WDFY2: variants seen among roughly 807,000 people sequenced by gnomAD.
WDFY2 encodes the protein WD repeat and FYVE domain-containing protein 2.
Under a neutral mutation model 56.4 loss-of-function variants are expected in WDFY2, and 36 were observed. The ratio of observed to expected loss-of-function variants is 0.64; its 90% confidence interval spans 0.49 to 0.84. WDFY2 has a LOEUF of 0.84. Ranked by LOEUF, WDFY2 falls within the 40% of genes least tolerant of loss-of-function variation. The pLI, the probability that WDFY2 is intolerant of heterozygous loss-of-function variation, is 0.00. For synonymous variants in WDFY2, 176 were observed against 183.7 expected, an observed-to-expected ratio of 0.96 and a Z score of 0.34; for missense variants, 444 against 512.2, an observed-to-expected ratio of 0.87 and a Z score of 1.29.
In WDFY2 at chr13:51,761,201, T is replaced by A. The variant is rs534176482; in HGVS notation, c.*1432T>A. ...AATGGTACCTACAGTGCAGGCTATG[T>A]TTCTGTGGGAATGGAAAAGAGGACT... On this transcript the variant is annotated 3_prime_UTR_variant, in exon 12 of 12. Coordinates refer to ENST00000298125, the MANE Select transcript of WDFY2 (RefSeq NM_052950.4). The A allele has an allele frequency of 3.3e-5, 5 of 152,202 alleles. No individual in the cohort carries two copies. The highest frequency in any genetic ancestry group is 7.3e-5 in the Non-Finnish European group (5 of 68,030). The allele number at this position is 152,202 out of a possible 1,614,324, so 9.4% of individuals were successfully genotyped here.
chr13:51,620,613 TC>T (rs1163583887), intron 1 of WDFY2, among the ~76,000 whole-genome samples: 1 of 152,014 alleles, frequency 6.6e-6, no homozygotes, highest in African/African-American at 2.4e-5. Context: ...TCCACCTCTA[TC>T]CAGACAGGAT....
chr13:51,607,765 A>G (rs568762525), intron 1 of WDFY2, among the ~76,000 whole-genome samples: 1 of 152,310 alleles, frequency 6.6e-6, no homozygotes, highest in East Asian at 1.9e-4. Context: ...CTGTTGTGAT[A>G]GGCTGAATGA....
At chr13:51,758,553 A>T (rs903571046) in intron 11 of WDFY2, among the ~76,000 whole-genome samples, 6 of 63,376 alleles carry the variant, frequency 9.5e-5, no homozygotes, top group Admixed American at 2.4e-4. Context: ...CTCATCTCTT[A>T]AAAAAAAAAA....
At chr13:51,661,813 T>G (rs1955619594) in intron 2 of WDFY2, among the ~76,000 whole-genome samples, 1 of 152,240 alleles carries the variant, frequency 6.6e-6, no homozygotes, top group African/African-American at 2.4e-5. Flanking sequence ...TTCCGAATGC[T>G]ATATCCTTCC....
chr13:51,745,758 A>C (rs1953082628), intron 7 of WDFY2, among the ~76,000 whole-genome samples: 1 of 149,822 alleles, frequency 6.7e-6, no homozygotes, highest in South Asian at 2.1e-4. Context: ...AAAAAAAAAA[A>C]AAAAAAACCA....
At chr13:51,649,091 G>C (rs2138421521) in intron 1 of WDFY2, among the ~76,000 whole-genome samples, 1 of 152,368 alleles carries the variant, frequency 6.6e-6, no homozygotes, top group South Asian at 2.1e-4. Context: ...AGGTTGCAGT[G>C]AGCCAAGGTC....
chr13:51,606,798 T>G (rs1215848951), intron 1 of WDFY2, among the ~76,000 whole-genome samples: 4 of 152,154 alleles, frequency 2.6e-5, no homozygotes, highest in African/African-American at 9.7e-5. Flanking sequence ...TCCAGTGTTG[T>G]CACTCTTAAT....
At chr13:51,610,018 A>C (rs1954466091) in intron 1 of WDFY2, among the ~76,000 whole-genome samples, 1 of 152,146 alleles carries the variant, frequency 6.6e-6, no homozygotes, top group Non-Finnish European at 1.5e-5. Context: ...TTCCTGATTT[A>C]TACCCAAGTC....
chr13:51,685,041 T>C (rs535110773), intron 3 of WDFY2, among the ~76,000 whole-genome samples: 1 of 152,172 alleles, frequency 6.6e-6, no homozygotes, highest in South Asian at 2.1e-4. Context: ...TTCAAACTTT[T>C]TGATTCAGAT....
intron 1 of WDFY2, among the ~76,000 whole-genome samples, chr13:51,603,000 A>C (rs1004751917): frequency 6.6e-6 from 1 of 152,134 alleles, no homozygotes; most frequent in African/African-American, 2.4e-5. Flanking sequence ...GATTGGACTG[A>C]ATGCTGTGAT....
chr13:51,745,648 T>C (rs1239326963), intron 7 of WDFY2, among the ~76,000 whole-genome samples: 1 of 151,870 alleles, frequency 6.6e-6, no homozygotes, highest in Non-Finnish European at 1.5e-5. Flanking sequence ...TGATCACTTT[T>C]TGCCCATTTC....
At chr13:51,651,155 G>C (rs1341101205) in intron 1 of WDFY2, among the ~76,000 whole-genome samples, 8 of 152,154 alleles carry the variant, frequency 5.3e-5, no homozygotes, top group Non-Finnish European at 1.0e-4. Flanking sequence ...GGGTGTATGT[G>C]TCAAGGAATT....
chr13:51,709,412 G>A (rs1030399705), intron 4 of WDFY2, among the ~76,000 whole-genome samples: 2 of 152,278 alleles, frequency 1.3e-5, no homozygotes, highest in Non-Finnish European at 2.9e-5. Flanking sequence ...CAATGCTTCC[G>A]GAGGTGGGAG....
intron 7 of WDFY2, among the ~76,000 whole-genome samples, chr13:51,745,500 GT>G (rs939803936): frequency 2.6e-4 from 40 of 152,040 alleles, no homozygotes; most frequent in African/African-American, 9.7e-4. Context: ...GACAAGATTT[GT>G]TTGCAGTAAT....
intron 5 of WDFY2, 63 bp from the exon 6 acceptor site, chr13:51,727,605 TTTATGCCCTG>T: frequency 7.0e-7 from 1 of 1,427,104 alleles, no homozygotes; most frequent in South Asian, 1.2e-5. Context: ...TCTTGTTACA[TTTATGCCCTG>T]TTTTTTCATT....
chr13:51,740,322 T>G (rs1425468744), intron 7 of WDFY2, among the ~76,000 whole-genome samples: 2 of 152,152 alleles, frequency 1.3e-5, no homozygotes, highest in African/African-American at 2.4e-5. Flanking sequence ...TTGTCATCAG[T>G]TCATTAGAGG....
In WDFY2 at chr13:51,660,678, C is replaced by A. The variant is rs376670024; in HGVS notation, c.205+15C>A. The A allele has an allele frequency of 7.4e-6, 12 of 1,612,384 alleles. No homozygotes were observed. The highest frequency in any genetic ancestry group is 1.7e-4 in the Middle Eastern group (1 of 6,058). ...TGCAATGCCTTGTAAGTATCCAAAT[C>A]GCTGTCTTGAAAAACCAGACATGTC... On this transcript the variant is annotated intron_variant, in intron 2 of 11. Transcript: ENST00000298125.
chr13:51,631,655 A>G (rs1195430481), intron 1 of WDFY2, among the ~76,000 whole-genome samples: 1 of 152,074 alleles, frequency 6.6e-6, no homozygotes, highest in Admixed American at 6.6e-5. Flanking sequence ...CATGCTTTCA[A>G]CTTACAATGT....
At chr13:51,691,805 G>A (rs941916697) in intron 3 of WDFY2, among the ~76,000 whole-genome samples, 219 of 152,042 alleles carry the variant, frequency 1.4e-3, no homozygotes, top group African/African-American at 3.4e-3. Context: ...CCATTATCAC[G>A]ATATTGATTC....
Sources: allele counts gnomAD v4.1 joint callset (sites outside exome capture counted in the v4.1 genomes callset), GRCh38; gene constraint gnomAD v4.1.1; transcripts MANE v1.5; gene names NCBI Gene and HGNC (gene_info 2026-07-23, HGNC 2026-07-21).